Variants in CCDC122 observed in about 807,000 individuals in gnomAD.
The protein encoded by CCDC122 is coiled-coil domain-containing protein 122.
A neutral mutation model predicts 37.0 loss-of-function variants in CCDC122; 38 were observed. That is an observed-to-expected ratio of 1.03 (90% CI 0.79 to 1.35). CCDC122 has a LOEUF of 1.35. Among genes scored for constraint, CCDC122 ranks in the 40% most tolerant of loss-of-function variants. The pLI, the probability that CCDC122 is intolerant of heterozygous loss-of-function variation, is 0.00. For synonymous variants in CCDC122, 83 were observed against 95.6 expected (o/e 0.87, Z 0.77); for missense variants, 305 against 310.0 (o/e 0.98, Z 0.12).
Position 43,828,309 on chromosome 13 carries a change from C to T in CCDC122, n.602-4298G>A, listed in dbSNP as rs142836943. ...GCACGCATTATGTGTCAGGTGTCTG[C>T]TAGCTGGTGGAGATTACAACGGAGA... On this transcript the variant is annotated intron_variant and non_coding_transcript_variant, in intron 3 of 3. Coordinates refer to the CCDC122 transcript ENST00000470137. Among the ~76,000 whole-genome samples, 31 of 152,204 alleles carry T rather than the reference C, an allele frequency of 2.0e-4. No homozygotes were observed. In the East Asian group the frequency reaches 2.7e-3, roughly 13 times the overall value.
intron 6 of CCDC122, 99 bp from the exon 7 acceptor site, chr13:43,837,528 T>C: frequency 1.4e-5 from 13 of 947,700 alleles, no homozygotes; most frequent in Non-Finnish European, 1.8e-5. Context: ...AAGCACTTAA[T>C]TAGAAACTAT....
At chr13:43,869,589 T>C (rs746347176) in intron 2 of CCDC122, 100 bp from the exon 3 acceptor site, 2 of 494,960 alleles carry the variant, frequency 4.0e-6, no homozygotes, top group Non-Finnish European at 7.1e-6. Flanking sequence ...GATTTTGGAA[T>C]GAAAGTAGAA....
chr13:43,836,444 A>G lies in CCDC122; in HGVS notation c.*836T>C. 6.6e-6 allele frequency: 1 copy of G among 152,306 alleles called. No homozygotes were observed. The highest frequency in any genetic ancestry group is 1.9e-4 in the East Asian group (1 of 5,276). 9.4% of individuals were successfully genotyped at this position (152,306 alleles called of 1,614,324 possible). A position where few individuals can be genotyped will look rare whatever the true frequency, so the allele number is the denominator to read the frequency against. Reference sequence around the variant, plus strand: ...AAAATGATTGTTACCTTCTGGATAAAAGAGAAAATGGAGTAAAATATTTGA... The same window carrying G: ...AAAATGATTGTTACCTTCTGGATAAGAGAGAAAATGGAGTAAAATATTTGA... On this transcript the variant is annotated 3_prime_UTR_variant, in exon 7 of 7. Coordinates refer to ENST00000444614, the MANE Select transcript of CCDC122 (RefSeq NM_144974.5).
chr13:43,859,236 G>C (rs1954026550), intron 5 of CCDC122, among the ~76,000 whole-genome samples: 2 of 152,096 alleles, frequency 1.3e-5, no homozygotes, highest in Admixed American at 1.3e-4. Flanking sequence ...CGTCTTCAAA[G>C]AACAGTAAGA....
chr13:43,848,911 T>C (rs937750370), intron 6 of CCDC122: 7 of 979,452 alleles, frequency 7.1e-6, no homozygotes, highest in Non-Finnish European at 4.9e-6. Flanking sequence ...CAAAAAGAAG[T>C]AATAAAAATC....
intron 3 of CCDC122, among the ~76,000 whole-genome samples, chr13:43,830,301 G>A (rs950599359): frequency 1.7e-4 from 26 of 152,322 alleles, no homozygotes; most frequent in African/African-American, 5.1e-4. Context: ...GAGGAGGGAG[G>A]AACAGGGAGT....
intron 4 of CCDC122, among the ~76,000 whole-genome samples, chr13:43,866,116 A>G (rs986281727): frequency 8.5e-5 from 13 of 152,232 alleles, no homozygotes; most frequent in African/African-American, 3.1e-4. Flanking sequence ...AGGATGGAGC[A>G]GGACAATGCG....
At chr13:43,879,045 A>T (rs2138212391) in intron 1 of CCDC122, among the ~76,000 whole-genome samples, 2 of 152,236 alleles carry the variant, frequency 1.3e-5, no homozygotes, top group South Asian at 2.1e-4. Flanking sequence ...GAGGAAACCC[A>T]GCGTCCTGAC....
intron 2 of CCDC122, among the ~76,000 whole-genome samples, chr13:43,874,329 TC>T (rs1337953770): frequency 6.6e-6 from 1 of 152,206 alleles, no homozygotes; most frequent in African/African-American, 2.4e-5. Context: ...TTTAGCAAAT[TC>T]CTGTCACACA....
intron 2 of CCDC122, 195 bp downstream of exon 2, chr13:43,874,647 C>T (rs955861172): frequency 1.3e-5 from 2 of 151,718 alleles, no homozygotes; most frequent in Non-Finnish European, 2.9e-5. Context: ...TTTTTTTTCC[C>T]CAGACTTCTG....
intron 6 of CCDC122, among the ~76,000 whole-genome samples, chr13:43,839,162 T>C (rs962032956): frequency 1.1e-4 from 17 of 152,172 alleles, no homozygotes; most frequent in Admixed American, 1.1e-3. Flanking sequence ...CTAAATTCCA[T>C]TCCTACTCTG....
downstream of CCDC122, among the ~76,000 whole-genome samples, chr13:43,831,623 C>A (rs995211666): frequency 6.6e-6 from 1 of 152,114 alleles, no homozygotes; most frequent in African/African-American, 2.4e-5. Flanking sequence ...ATTGTCAATG[C>A]CTCTAAACTA....
At chr13:43,837,484 G>C in intron 6 of CCDC122, 55 bp from the exon 7 acceptor site, 1 of 1,482,808 alleles carries the variant, frequency 6.7e-7, no homozygotes, top group Non-Finnish European at 9.1e-7. Context: ...ATAGTAAACA[G>C]CCATAAATAA....
chr13:43,837,030 TCA>T lies in CCDC122; in HGVS notation c.*248_*249del. 4.9e-6 allele frequency: 2 copies of T among 410,272 alleles called. No homozygotes were observed. The highest frequency in any genetic ancestry group is 8.7e-6 in the Non-Finnish European group (2 of 230,342). The allele number at this position is 410,272 out of a possible 1,614,324, so 25.4% of individuals were successfully genotyped here. A position where few individuals can be genotyped will look rare whatever the true frequency, so the allele number is the denominator to read the frequency against. On this transcript the variant is annotated 3_prime_UTR_variant, in exon 7 of 7. Coordinates refer to ENST00000444614, the MANE Select transcript of CCDC122 (RefSeq NM_144974.5). ...AATACATTTTACACACTCCAAATAG[TCA>T]CAGAGACTCTTGCATTATTTTCCCG...
chr13:43,838,595 T>TG (rs1953241312), intron 6 of CCDC122, among the ~76,000 whole-genome samples: 2 of 152,226 alleles, frequency 1.3e-5, no homozygotes, highest in South Asian at 4.1e-4. Context: ...TCTATGAAGT[T>TG]ACCAACCACA....
At chr13:43,862,517 A>G (rs1184668010) in intron 4 of CCDC122, among the ~76,000 whole-genome samples, 1 of 152,120 alleles carries the variant, frequency 6.6e-6, no homozygotes, top group Non-Finnish European at 1.5e-5. Flanking sequence ...TAATACATCA[A>G]TCTTTGAATT....
chr13:43,868,705 A>C lies in CCDC122; in HGVS notation c.145T>G (p.Phe49Val), dbSNP rs1954351908. The change falls in exon 4 of 7, where the codon TTC (phenylalanine) becomes GTC (valine). Residue 49 changes from phenylalanine to valine, a missense_variant. Physicochemically the swap from Phe to Val is conservative, Grantham distance 50. Coordinates refer to ENST00000444614, the MANE Select transcript of CCDC122 (RefSeq NM_144974.5). ...TATAAAGAAGTTACCTTCAAATTGA[A>C]CAGAACCTTTTTGTTTTTTTCTATC... is the stretch of plus-strand genomic sequence containing the variant. ...SEIEKNKKVL[F>V]NLKNELHELE... 6.5e-7 allele frequency: 1 copy of C among 1,547,488 alleles called. No individual in the cohort carries two copies. Among genetic ancestry groups the C allele is most frequent in the East Asian group, 2.3e-5 (1 of 42,850 alleles).
intron 4 of CCDC122, among the ~76,000 whole-genome samples, chr13:43,864,980 C>T (rs750053937): frequency 2.0e-5 from 3 of 152,154 alleles, no homozygotes; most frequent in Non-Finnish European, 2.9e-5. Context: ...TTAAACTATG[C>T]GGGGTTGAGA....
At chr13:43,849,214 T>C (rs1953643697) in intron 6 of CCDC122, 2 of 308,306 alleles carry the variant, frequency 6.5e-6, no homozygotes, top group Non-Finnish European at 9.5e-6. Flanking sequence ...GTCCCTATTA[T>C]GAAAACTTAA....
Sources: allele counts gnomAD v4.1 joint callset (sites outside exome capture counted in the v4.1 genomes callset), GRCh38; gene constraint gnomAD v4.1.1; transcripts MANE v1.5; gene names NCBI Gene and HGNC (gene_info 2026-07-23, HGNC 2026-07-21).